The following RNF180 variants were observed in gnomAD, a reference collection of about 807,000 sequenced individuals.
The protein encoded by RNF180 is ring finger protein 180, also known as E3 ubiquitin-protein ligase RNF180.
Under a neutral mutation model 59.2 loss-of-function variants are expected in RNF180, and 38 were observed. The ratio of observed to expected loss-of-function variants is 0.64; its 90% CI spans 0.50 to 0.84. The LOEUF (loss-of-function observed/expected upper bound fraction) is 0.84, where lower values mean the gene tolerates loss of function less well. Among genes scored for constraint, RNF180 ranks in the 40% least tolerant of loss-of-function variants. The pLI, the probability that RNF180 is intolerant of heterozygous loss-of-function variation, is 0.00. For synonymous variants in RNF180, 262 were observed against 240.3 expected, an observed-to-expected ratio of 1.09 and a Z score of -0.84; for missense variants, 705 against 700.9, an observed-to-expected ratio of 1.01 and a Z score of -0.07.
intron 5 of RNF180, among the ~76,000 whole-genome samples, chr5:64,282,632 G>A (rs758292707): frequency 1.8e-4 from 28 of 152,088 alleles, no homozygotes; most frequent in Non-Finnish European, 3.7e-4. Flanking sequence ...ATGTTAGGTT[G>A]TTAATTTGAG....
upstream of RNF180, among the ~76,000 whole-genome samples, chr5:64,165,653 C>T (rs576168664): frequency 5.7e-4 from 87 of 152,326 alleles, no homozygotes; most frequent in African/African-American, 2.1e-3. Flanking sequence ...GCTTGTCTGC[C>T]TGCGCGGGGT....
At chr5:64,316,258 G>A (rs900974510) in intron 5 of RNF180, among the ~76,000 whole-genome samples, 1 of 151,788 alleles carries the variant, frequency 6.6e-6, no homozygotes, top group African/African-American at 2.4e-5. Flanking sequence ...CCTCTGAAAG[G>A]GTCTTTTTGC....
At chr5:64,359,772 CA>C (rs1229310827) in intron 7 of RNF180, among the ~76,000 whole-genome samples, 1 of 151,646 alleles carries the variant, frequency 6.6e-6, no homozygotes, top group East Asian at 2.0e-4. Context: ...GTTTTAGGTC[CA>C]ACGTTTAAGT....
intron 5 of RNF180, among the ~76,000 whole-genome samples, chr5:64,307,007 A>T (rs919003518): frequency 4.8e-5 from 6 of 123,962 alleles, no homozygotes; most frequent in African/African-American, 1.4e-4. Flanking sequence ...AAATAAAAAT[A>T]AAAAAAAAGA....
intron 5 of RNF180, among the ~76,000 whole-genome samples, chr5:64,237,350 G>A (rs950494033): frequency 1.3e-5 from 2 of 152,018 alleles, no homozygotes; most frequent in Non-Finnish European, 2.9e-5. Flanking sequence ...TATAGGGCCT[G>A]TGTCCTCTTT....
At chr5:64,175,851 A>AT (rs1450520559) in intron 1 of RNF180, among the ~76,000 whole-genome samples, 3 of 152,056 alleles carry the variant, frequency 2.0e-5, no homozygotes, top group Non-Finnish European at 2.9e-5. Context: ...CAGGCATCTA[A>AT]TTTTTTGTAG....
intron 7 of RNF180, among the ~76,000 whole-genome samples, chr5:64,339,321 A>G (rs1219340823): frequency 2.6e-5 from 4 of 151,848 alleles, no homozygotes; most frequent in Non-Finnish European, 5.9e-5. Context: ...GTCAGTTTGC[A>G]TCCTTTTTAC....
intron 5 of RNF180, among the ~76,000 whole-genome samples, chr5:64,312,864 C>G (rs973480932): frequency 9.9e-5 from 15 of 152,186 alleles, no homozygotes; most frequent in Non-Finnish European, 1.8e-4. Flanking sequence ...CTTCTAGTAG[C>G]TCTTCTCATT....
intron 5 of RNF180, among the ~76,000 whole-genome samples, chr5:64,233,295 A>G (rs963336810): frequency 1.3e-5 from 2 of 152,240 alleles, no homozygotes; most frequent in African/African-American, 2.4e-5. Context: ...TAGACAGTCA[A>G]GAAGCCTAAA....
chr5:64,289,607 G>C (rs1233542876), intron 5 of RNF180, among the ~76,000 whole-genome samples: 1 of 152,070 alleles, frequency 6.6e-6, no homozygotes, highest in East Asian at 1.9e-4. Context: ...TTTCTTCCTG[G>C]TTCAGTCTTG....
At chr5:64,248,780 C>A (rs1016073736) in intron 5 of RNF180, among the ~76,000 whole-genome samples, 10 of 151,912 alleles carry the variant, frequency 6.6e-5, no homozygotes, top group African/African-American at 2.2e-4. Flanking sequence ...GATTATAAAT[C>A]ATTCTATAAA....
At chr5:64,228,675 C>T (rs751793638) in intron 5 of RNF180, among the ~76,000 whole-genome samples, 9 of 151,942 alleles carry the variant, frequency 5.9e-5, no homozygotes, top group East Asian at 1.9e-4. Context: ...TTTTGTAAAA[C>T]GTTAAAAAAA....
chr5:64,192,913 A>G (rs773831645), intron 1 of RNF180, among the ~76,000 whole-genome samples: 13,254 of 89,188 alleles, frequency 0.15, 1,054 homozygotes, highest in South Asian at 0.22. Flanking sequence ...GTATATATAT[A>G]TATATATATA....
intron 5 of RNF180, among the ~76,000 whole-genome samples, chr5:64,260,959 GT>G (rs1744304400): frequency 7.1e-6 from 1 of 141,832 alleles, no homozygotes; most frequent in South Asian, 2.2e-4. Context: ...TTTTTTGGCT[GT>G]ATTTTGGGTT....
intron 5 of RNF180, among the ~76,000 whole-genome samples, chr5:64,283,297 G>T (rs1158213262): frequency 6.6e-6 from 1 of 151,964 alleles, no homozygotes; most frequent in African/African-American, 2.4e-5. Context: ...TGTTTTATCT[G>T]CTTTTTTTGT....
intron 7 of RNF180, among the ~76,000 whole-genome samples, chr5:64,336,779 C>A (rs940034932): frequency 6.6e-6 from 1 of 151,890 alleles, no homozygotes; most frequent in African/African-American, 2.4e-5. Context: ...TATAAAATTT[C>A]TTTTATATTC....
chr5:64,304,794 A>G (rs187000257), intron 5 of RNF180, among the ~76,000 whole-genome samples: 7 of 151,784 alleles, frequency 4.6e-5, no homozygotes, highest in Admixed American at 4.6e-4. Context: ...ATTGACTTCA[A>G]TTTTGAATGA....
chr5:64,320,763 G>A (rs1260663338), intron 5 of RNF180, among the ~76,000 whole-genome samples: 2 of 152,206 alleles, frequency 1.3e-5, no homozygotes, highest in Non-Finnish European at 2.9e-5. Flanking sequence ...TTAAGGCTGG[G>A]CGCGATGGCT....
At chr5:64,295,257 G>A (rs983785613) in intron 5 of RNF180, among the ~76,000 whole-genome samples, 2 of 152,016 alleles carry the variant, frequency 1.3e-5, no homozygotes, top group Non-Finnish European at 2.9e-5. Context: ...ATTCAGCCTG[G>A]GCTCTGCCCA....
Sources: allele counts gnomAD v4.1 joint callset (sites outside exome capture counted in the v4.1 genomes callset), GRCh38; gene constraint gnomAD v4.1.1; transcripts MANE v1.5; gene names NCBI Gene and HGNC (gene_info 2026-07-23, HGNC 2026-07-21).